The following SORBS2 variants were observed in gnomAD, a reference collection of about 807,000 sequenced individuals.
SORBS2 encodes the protein sorbin and SH3 domain containing 2.
A neutral mutation model predicts 97.7 loss-of-function variants in SORBS2; 46 were observed. The ratio of observed to expected loss-of-function variants is 0.47; its 90% CI spans 0.37 to 0.60. SORBS2 has a LOEUF of 0.60. Ranked by LOEUF, SORBS2 falls within the 20% of genes least tolerant of loss-of-function variation. SORBS2 has a pLI of 0.00. For synonymous variants in SORBS2, 476 were observed against 473.4 expected, an observed-to-expected ratio of 1.01 and a Z score of -0.07; for missense variants, 1,316 against 1,282.3, an observed-to-expected ratio of 1.03 and a Z score of -0.40.
intron 1 of SORBS2, among the ~76,000 whole-genome samples, chr4:185,922,238 CT>C (rs2099261233): frequency 6.6e-6 from 1 of 152,118 alleles, no homozygotes; most frequent in Non-Finnish European, 1.5e-5. Context: ...ATTTGATTAA[CT>C]TCTGGAAGGT....
chr4:185,937,095 T>C (rs2099269302), intron 1 of SORBS2, among the ~76,000 whole-genome samples: 1 of 152,232 alleles, frequency 6.6e-6, no homozygotes, highest in Non-Finnish European at 1.5e-5. Context: ...CTGATTTTAA[T>C]TATGACATGG....
chr4:185,914,910 G>A (rs980872740), intron 1 of SORBS2, among the ~76,000 whole-genome samples: 15 of 152,312 alleles, frequency 9.8e-5, no homozygotes, highest in African/African-American at 2.4e-4. Context: ...TTATGGGGTC[G>A]TTTGATCCCT....
intron 1 of SORBS2, among the ~76,000 whole-genome samples, chr4:185,877,892 AAAG>A (rs2099234557): frequency 3.4e-5 from 5 of 148,752 alleles, no homozygotes. Flanking sequence ...AAAAAGAAAG[AAAG>A]AAGAAAGAAA....
At chr4:185,744,109 C>G (rs2098745637) in intron 2 of SORBS2, among the ~76,000 whole-genome samples, 1 of 147,568 alleles carries the variant, frequency 6.8e-6, no homozygotes, top group African/African-American at 2.5e-5. Flanking sequence ...CTCTTCTCCC[C>G]CTCCTCCTCC....
chr4:185,906,269 G>C (rs1354532913), intron 1 of SORBS2, among the ~76,000 whole-genome samples: 2 of 151,388 alleles, frequency 1.3e-5, no homozygotes, highest in African/African-American at 4.9e-5. Context: ...CTGACCTCAG[G>C]TGATCTGCCT....
chr4:185,590,635 G>T (rs181803030), intron 13 of SORBS2, among the ~76,000 whole-genome samples: 1 of 151,880 alleles, frequency 6.6e-6, no homozygotes, highest in Admixed American at 6.6e-5. Flanking sequence ...TTCCTTTCCC[G>T]GCCTGAATTC....
chr4:185,829,267 T>A (rs11734442), intron 1 of SORBS2, among the ~76,000 whole-genome samples: 96,332 of 152,030 alleles, frequency 0.63, 31,051 homozygotes, highest in Non-Finnish European at 0.68. Flanking sequence ...AACGGTGTGA[T>A]GTGGTTGGCA....
intron 2 of SORBS2, among the ~76,000 whole-genome samples, chr4:185,651,059 G>T (rs1379342688): frequency 6.6e-6 from 1 of 152,078 alleles, no homozygotes; most frequent in Non-Finnish European, 1.5e-5. Context: ...CTCCGAGCCT[G>T]GTCTAAAGAA....
intron 4 of SORBS2, among the ~76,000 whole-genome samples, chr4:185,641,253 A>C (rs1367052074): frequency 6.6e-6 from 1 of 152,176 alleles, no homozygotes; most frequent in Non-Finnish European, 1.5e-5. Context: ...TACAATGGGC[A>C]ACTATCTAGA....
intron 1 of SORBS2, among the ~76,000 whole-genome samples, chr4:185,841,699 A>G (rs545839314): frequency 3.7e-4 from 57 of 152,368 alleles, no homozygotes; most frequent in African/African-American, 1.3e-3. Context: ...TAAACAGGTG[A>G]GACCTTTGGT....
intron 4 of SORBS2, among the ~76,000 whole-genome samples, chr4:185,678,086 A>G (rs1203860671): frequency 6.6e-6 from 1 of 152,200 alleles, no homozygotes; most frequent in Non-Finnish European, 1.5e-5. Context: ...TTGCATACTC[A>G]TAGTTATTGA....
intron 1 of SORBS2, among the ~76,000 whole-genome samples, chr4:185,861,877 G>A (rs1043801074): frequency 6.6e-6 from 1 of 152,130 alleles, no homozygotes; most frequent in Admixed American, 6.5e-5. Flanking sequence ...GATTACAGGC[G>A]TGAGCCACTG....
At chr4:185,600,918 T>TA (rs112233898) in intron 12 of SORBS2, among the ~76,000 whole-genome samples, 26 of 151,680 alleles carry the variant, frequency 1.7e-4, no homozygotes, top group East Asian at 1.6e-3. Context: ...GTTTTTTTTT[T>TA]ATTTTCAGAG....
intron 3 of SORBS2, among the ~76,000 whole-genome samples, chr4:185,648,028 T>C (rs2097244030): frequency 6.6e-6 from 1 of 152,214 alleles, no homozygotes; most frequent in Non-Finnish European, 1.5e-5. Flanking sequence ...CCTGAGGAGA[T>C]TGGTATTAAA....
At chr4:185,649,140 G>C (rs980725839) in intron 3 of SORBS2, among the ~76,000 whole-genome samples, 3 of 152,092 alleles carry the variant, frequency 2.0e-5, no homozygotes, top group African/African-American at 7.2e-5. Context: ...AAAATGAACT[G>C]CATAGCCTGT....
intron 2 of SORBS2, among the ~76,000 whole-genome samples, chr4:185,707,790 T>G (rs2098366912): frequency 6.6e-6 from 1 of 152,062 alleles, no homozygotes; most frequent in African/African-American, 2.4e-5. Context: ...GAATTCCCAT[T>G]TATAAAACCA....
At chr4:185,698,817 C>T (rs1397114846) in intron 2 of SORBS2, among the ~76,000 whole-genome samples, 1 of 151,932 alleles carries the variant, frequency 6.6e-6, no homozygotes, top group East Asian at 1.9e-4. Flanking sequence ...TCTACTAAAC[C>T]CAAAGCATAT....
intron 1 of SORBS2, among the ~76,000 whole-genome samples, chr4:185,946,634 C>T (rs2099274688): frequency 6.6e-6 from 1 of 152,192 alleles, no homozygotes; most frequent in Non-Finnish European, 1.5e-5. Flanking sequence ...ATCCTTCCAT[C>T]TCCTCATCCA....
At chr4:185,640,021 C>T (rs2097100438) in intron 4 of SORBS2, among the ~76,000 whole-genome samples, 1 of 152,162 alleles carries the variant, frequency 6.6e-6, no homozygotes, top group Non-Finnish European at 1.5e-5. Flanking sequence ...GCTAATGATA[C>T]ACAGTCTACA....
Sources: allele counts gnomAD v4.1 joint callset (sites outside exome capture counted in the v4.1 genomes callset), GRCh38; gene constraint gnomAD v4.1.1; transcripts MANE v1.5; gene names NCBI Gene and HGNC (gene_info 2026-07-23, HGNC 2026-07-21).